The following TRAPPC6B variants were observed in gnomAD, a reference collection of about 807,000 sequenced individuals.
The protein encoded by TRAPPC6B is TRAPP complex subunit 6B.
A neutral mutation model predicts 24.7 loss-of-function variants in TRAPPC6B; 27 were observed. The observed-to-expected ratio is 1.09, with a 90% CI of 0.81 to 1.51. The LOEUF (loss-of-function observed/expected upper bound fraction) is 1.51, where lower values mean the gene tolerates loss of function less well. TRAPPC6B is among the 40% of genes most tolerant of loss of function. The probability of loss-of-function intolerance (pLI) is 0.00; values close to 1 mark genes in which losing one functional copy is unlikely to be tolerated. For missense variants in TRAPPC6B, 212 were observed against 190.8 expected (o/e 1.11, Z -0.66); for synonymous variants, 80 against 66.6 (o/e 1.20, Z -0.98).
At position 39,151,788 on chromosome 14, in the gene TRAPPC6B, T is replaced by C. The variant is rs754979962; in HGVS notation, c.403A>G (p.Ile135Val). The change falls in exon 5 of 6, where the codon ATA becomes GTA. Residue 135 changes from isoleucine to valine, a missense_variant. By Grantham distance (29) the Ile-to-Val change is conservative. Coordinates refer to ENST00000330149, the MANE Select transcript of TRAPPC6B (RefSeq NM_001079537.2). ...LIRGGLSNLG[I>V]KSIVTAEVSS... ...ACTTCAGCTGTTACAATACTTTTTA[T>C]TCCCAAGTTTGATAAGCCACCTCTG... 1 of 1,609,396 alleles carries C rather than the reference T, an allele frequency of 6.2e-7. No individual in the cohort carries two copies.
chr14:39,148,889 A>G lies in TRAPPC6B; in HGVS notation c.*1461T>C, dbSNP rs963045922. 2.5e-6 allele frequency: 1 copy of G among 396,388 alleles called. No individual in the cohort carries two copies. Among genetic ancestry groups the G allele is most frequent in the African/African-American group, 2.1e-5 (1 of 48,594 alleles). 24.6% of individuals were successfully genotyped at this position (396,388 alleles called of 1,614,324 possible). On this transcript the variant is annotated 3_prime_UTR_variant, in exon 6 of 6. Transcript: ENST00000330149. Reference sequence around the variant, plus strand: ...CTACTATACACCTAAGCTATGGCCTATTGCTCCTAGGCTACAAACCTGTAC... The same window carrying G: ...CTACTATACACCTAAGCTATGGCCTGTTGCTCCTAGGCTACAAACCTGTAC...
chr14:39,155,170 T>C (rs1019684686), intron 3 of TRAPPC6B, among the ~76,000 whole-genome samples: 4 of 152,158 alleles, frequency 2.6e-5, no homozygotes, highest in African/African-American at 9.7e-5. Context: ...GCTCAAGTAA[T>C]CCTCCTGCCT....
At chr14:39,152,154 G>A (rs1020197358) in intron 4 of TRAPPC6B, among the ~76,000 whole-genome samples, 5 of 152,224 alleles carry the variant, frequency 3.3e-5, no homozygotes, top group African/African-American at 1.2e-4. Flanking sequence ...GGTAGTTTGT[G>A]TCTACAGTCC....
In TRAPPC6B at chr14:39,148,201, A is replaced by C. The variant is rs2052875980; in HGVS notation, c.*2149T>G. The C allele has an allele frequency of 6.5e-6, 1 of 153,308 alleles. No individual in the cohort carries two copies. Among genetic ancestry groups the C allele is most frequent in the African/African-American group, 2.4e-5 (1 of 41,508 alleles). 9.5% of individuals were successfully genotyped at this position (153,308 alleles called of 1,614,324 possible). On this transcript the variant is annotated 3_prime_UTR_variant, in exon 6 of 6. Transcript: ENST00000330149. ...TTAGCTTCAAACATCCATATCACAT[A>C]TCTTCACTGAGAAGCAGAAGAGGGA...
chr14:39,164,593 C>T (rs1226653519), intron 1 of TRAPPC6B, among the ~76,000 whole-genome samples: 1 of 152,132 alleles, frequency 6.6e-6, no homozygotes, highest in Non-Finnish European at 1.5e-5. Context: ...CTGTAAATCC[C>T]AGTACATTGG....
Position 39,154,718 on chromosome 14 carries a change from C to A in TRAPPC6B, c.268-424G>T, listed in dbSNP as rs564811260. On this transcript the variant is annotated intron_variant, in intron 3 of 5. Coordinates refer to ENST00000330149, the MANE Select transcript of TRAPPC6B (RefSeq NM_001079537.2). ...TACAGGCATAAGCCCACGTGCCCAG[C>A]CTGGTCAAATTTTGTTTAAATGAAG... is the stretch of plus-strand genomic sequence containing the variant. Among the ~76,000 whole-genome samples, 169 of 152,148 alleles carry A rather than the reference C, an allele frequency of 1.1e-3. 1 individual carries two copies. Among genetic ancestry groups the A allele is most frequent in the African/African-American group, 3.9e-3 (162 of 41,516 alleles).
chr14:39,170,032 C>A lies in TRAPPC6B; in HGVS notation c.64G>T (p.Ala22Ser). The change falls in exon 1 of 6, where the codon GCG becomes TCG. Residue 22 changes from alanine to serine, a missense_variant. Physicochemically the swap from Ala to Ser is moderately conservative, Grantham distance 99. Coordinates refer to ENST00000330149, the MANE Select transcript of TRAPPC6B (RefSeq NM_001079537.2). ...NEMVSGVYKS[A>S]EQGEVENGRC... The stretch of plus-strand genomic sequence containing the variant: ...GCACTCACCACCTCCCCCTGCTCCG[C>A]GGACTTGTACACTCCAGACACCATC... 6.2e-7 allele frequency: 1 copy of A among 1,614,104 alleles called. No individual in the cohort carries two copies. Among genetic ancestry groups the A allele is most frequent in the Non-Finnish European group, 8.5e-7 (1 of 1,179,998 alleles).
rs572798483 is a variant in TRAPPC6B, at chr14:39,170,300, G to C, written c.-205C>G. 1.7e-6 allele frequency: 1 copy of C among 572,834 alleles called. No homozygotes were observed. Among genetic ancestry groups the C allele is most frequent in the African/African-American group, 1.9e-5 (1 of 52,550 alleles). The allele number at this position is 572,834 out of a possible 1,614,324, so 35.5% of individuals were successfully genotyped here. On this transcript the variant is annotated 5_prime_UTR_variant, in exon 1 of 6. Coordinates refer to ENST00000330149, the MANE Select transcript of TRAPPC6B (RefSeq NM_001079537.2). The stretch of plus-strand genomic sequence containing the variant: ...TGGTACTGGAGAGAGCCCACACTTC[G>C]GGGCTACCAAATCCTAGGGCCGAAC...
chr14:39,169,909 C>T (rs528793381), intron 1 of TRAPPC6B, 106 bp downstream of exon 1: 71 of 1,106,104 alleles, frequency 6.4e-5, no homozygotes, highest in South Asian at 2.6e-4. Flanking sequence ...TTGTGTACAC[C>T]TCGGGAGGCG....
intron 1 of TRAPPC6B, among the ~76,000 whole-genome samples, chr14:39,169,597 T>G (rs546879172): frequency 6.6e-6 from 1 of 152,228 alleles, no homozygotes; most frequent in Non-Finnish European, 1.5e-5. Flanking sequence ...GGAGTTGTAC[T>G]GAGCATTAGG....
At chr14:39,168,214 C>T (rs772588618) in intron 1 of TRAPPC6B, among the ~76,000 whole-genome samples, 57 of 56,440 alleles carry the variant, frequency 1.0e-3, no homozygotes, top group Non-Finnish European at 1.9e-3. Flanking sequence ...AAAACTCCAT[C>T]TAAAAAAAAA....
chr14:39,166,723 A>G (rs2053112170), intron 1 of TRAPPC6B, among the ~76,000 whole-genome samples: 1 of 152,184 alleles, frequency 6.6e-6, no homozygotes, highest in Non-Finnish European at 1.5e-5. Flanking sequence ...CCTGTAAATA[A>G]TATCACTATT....
At chr14:39,158,567 G>C (rs2053015488) in intron 2 of TRAPPC6B, 165 bp from the exon 3 acceptor site, 1 of 541,460 alleles carries the variant, frequency 1.8e-6, no homozygotes, top group Non-Finnish European at 3.2e-6. Context: ...GCCCAGGTTA[G>C]AGTGCAATAG....
At chr14:39,153,892 A>T (rs1296675346) in intron 4 of TRAPPC6B, among the ~76,000 whole-genome samples, 1 of 152,006 alleles carries the variant, frequency 6.6e-6, no homozygotes, top group Admixed American at 6.6e-5. Context: ...TTTAGTAGAG[A>T]AAGGGTTTCC....
In TRAPPC6B at chr14:39,148,190, C is replaced by T. The variant is rs1370454306; in HGVS notation, c.*2160G>A. On this transcript the variant is annotated 3_prime_UTR_variant, in exon 6 of 6. Coordinates refer to ENST00000330149, the MANE Select transcript of TRAPPC6B (RefSeq NM_001079537.2). ...GCTGTTGCAGATTAGCTTCAAACAT[C>T]CATATCACATATCTTCACTGAGAAG... 1 of 152,904 alleles carries T rather than the reference C, an allele frequency of 6.5e-6. No homozygotes were observed. The highest frequency in any genetic ancestry group is 1.5e-5 in the Non-Finnish European group (1 of 68,552). The allele number at this position is 152,904 out of a possible 1,614,324, so 9.5% of individuals were successfully genotyped here. A position where few individuals can be genotyped will look rare whatever the true frequency, so the allele number is the denominator to read the frequency against.
chr14:39,168,367 C>T (rs1288513764), intron 1 of TRAPPC6B, among the ~76,000 whole-genome samples: 1 of 151,974 alleles, frequency 6.6e-6, no homozygotes, highest in Admixed American at 6.6e-5. Flanking sequence ...AAAAGGAAGG[C>T]TAGCTTTGCA....
intron 4 of TRAPPC6B, among the ~76,000 whole-genome samples, chr14:39,152,577 T>C (rs1401747713): frequency 6.6e-6 from 1 of 152,130 alleles, no homozygotes; most frequent in Admixed American, 6.5e-5. Context: ...ATCTTATAAA[T>C]AATATACATA....
chr14:39,167,265 T>C (rs2053118329), intron 1 of TRAPPC6B, among the ~76,000 whole-genome samples: 1 of 152,214 alleles, frequency 6.6e-6, no homozygotes, highest in Non-Finnish European at 1.5e-5. Context: ...GAATTCCTCT[T>C]TAAGCATAGT....
At chr14:39,156,616 A>G (rs1176242340) in intron 3 of TRAPPC6B, 1 of 152,202 alleles carries the variant, frequency 6.6e-6, no homozygotes, top group Non-Finnish European at 1.5e-5. Context: ...TTAATTTTGT[A>G]GTAAGAAAAT....
Sources: gnomAD v4.1 joint callset for allele counts (sites outside exome capture counted in the v4.1 genomes callset) on GRCh38, gnomAD v4.1.1 for gene constraint, MANE v1.5 for transcripts, NCBI Gene and HGNC (gene_info 2026-07-23, HGNC 2026-07-21) for gene names.